Variants in PRELID3A observed in about 807,000 individuals in gnomAD.
The protein encoded by PRELID3A is PRELI domain containing 3A, also known as PRELI domain containing protein 3A.
Under a neutral mutation model 23.0 loss-of-function variants are expected in PRELID3A, and 27 were observed. The ratio of observed to expected loss-of-function variants is 1.17; its 90% CI spans 0.87 to 1.62. PRELID3A has a LOEUF of 1.62. Among genes scored for constraint, PRELID3A ranks in the 40% most tolerant of loss-of-function variants. PRELID3A has a pLI of 0.00. For missense variants in PRELID3A, 231 were observed against 231.4 expected (o/e 1.00, Z 0.01); for synonymous variants, 87 against 86.4 (o/e 1.01, Z -0.04).
At chr18:12,409,972 G>T (rs1407011778) in intron 1 of PRELID3A, among the ~76,000 whole-genome samples, 1 of 152,112 alleles carries the variant, frequency 6.6e-6, no homozygotes, top group Non-Finnish European at 1.5e-5. Flanking sequence ...CTGCAGAGGT[G>T]CCCCATGCTC....
rs975013126 is a variant in PRELID3A, at chr18:12,431,912, A to C, written c.*796A>C. ...GGGCTGGAGGCCATGGATCCCTCAT[A>C]GTATCCAAGGTTTGAGTTCCTGTTT... On this transcript the variant is annotated 3_prime_UTR_variant, in exon 7 of 7. Transcript: ENST00000440960. The C allele has an allele frequency of 6.6e-6, 1 of 152,216 alleles. No homozygotes were observed. 9.4% of individuals were successfully genotyped at this position (152,216 alleles called of 1,614,324 possible). A position where few individuals can be genotyped will look rare whatever the true frequency, so the allele number is the denominator to read the frequency against.
intron 1 of PRELID3A, chr18:12,420,106 G>C: frequency 7.0e-7 from 1 of 1,418,848 alleles, no homozygotes; most frequent in South Asian, 1.5e-5. Flanking sequence ...CCCTGTCTCA[G>C]ACAAACAAAA....
intron 1 of PRELID3A, 72 bp downstream of exon 1, chr18:12,408,079 G>A: frequency 8.3e-7 from 1 of 1,199,430 alleles, no homozygotes; most frequent in Non-Finnish European, 1.0e-6. Context: ...GGCTGGAGCG[G>A]TCCAGGAAAG....
At chr18:12,419,954 T>G (rs2030096659) in intron 1 of PRELID3A, 1 of 239,042 alleles carries the variant, frequency 4.2e-6, no homozygotes. Flanking sequence ...TCAGGTTTGG[T>G]GGCACACGCC....
At chr18:12,426,022 G>A (rs1214001749) in intron 3 of PRELID3A, among the ~76,000 whole-genome samples, 2 of 151,938 alleles carry the variant, frequency 1.3e-5, no homozygotes, top group Admixed American at 1.3e-4. Context: ...AGATCACGAG[G>A]TCAGGAGATT....
intron 5 of PRELID3A, 140 bp downstream of exon 5, chr18:12,427,463 A>G: frequency 1.5e-6 from 1 of 678,442 alleles, no homozygotes; most frequent in Non-Finnish European, 2.5e-6. Flanking sequence ...TTGGGAGGCC[A>G]ACGCAGGTGG....
intron 1 of PRELID3A, among the ~76,000 whole-genome samples, chr18:12,416,321 G>GT (rs1008630587): frequency 6.6e-5 from 10 of 151,718 alleles, no homozygotes; most frequent in Non-Finnish European, 1.3e-4. Flanking sequence ...GTTGTTGTTT[G>GT]TTTTTTTAGA....
chr18:12,426,368 C>G (rs902082372), intron 3 of PRELID3A, among the ~76,000 whole-genome samples: 2 of 150,684 alleles, frequency 1.3e-5, no homozygotes, highest in Admixed American at 6.6e-5. Flanking sequence ...TCCTGGCTAA[C>G]ACGGTGAAAC....
At chr18:12,426,352 A>G (rs576120468) in intron 3 of PRELID3A, among the ~76,000 whole-genome samples, 8 of 151,260 alleles carry the variant, frequency 5.3e-5, no homozygotes, top group South Asian at 4.2e-4. Context: ...CAGGAGATCG[A>G]GACCATCCTG....
chr18:12,420,902 C>T (rs1245686743), intron 2 of PRELID3A, among the ~76,000 whole-genome samples: 1 of 152,024 alleles, frequency 6.6e-6, no homozygotes, highest in Non-Finnish European at 1.5e-5. Flanking sequence ...GGGCCCGGGC[C>T]TGCTGGATTA....
chr18:12,416,071 T>G (rs1298861011), intron 1 of PRELID3A, among the ~76,000 whole-genome samples: 1 of 152,230 alleles, frequency 6.6e-6, no homozygotes, highest in Non-Finnish European at 1.5e-5. Flanking sequence ...ATTCCTCTTC[T>G]GCCTCAACCA....
rs28520027 is a variant in PRELID3A at position 12,415,005 on chromosome 18, T to C, written c.33-5320T>C. Among the ~76,000 whole-genome samples the C allele has an allele frequency of 2.0e-3, 311 of 152,234 alleles. 3 individuals are homozygous for C. Among genetic ancestry groups the C allele is most frequent in the African/African-American group, 7.2e-3 (301 of 41,544 alleles). On this transcript the variant is annotated intron_variant, in intron 1 of 6. Coordinates refer to ENST00000440960, the MANE Select transcript of PRELID3A (RefSeq NM_001142405.2). ...GTGCAGTAGTGCAATCACGACTTAC[T>C]GCAGCCTCAAACTGTTTGGCTTAAG...
intron 5 of PRELID3A, among the ~76,000 whole-genome samples, chr18:12,428,822 T>C (rs1055565784): frequency 1.3e-5 from 2 of 152,212 alleles, no homozygotes; most frequent in Non-Finnish European, 2.9e-5. Context: ...AAGGGAATAT[T>C]CAGTGAGGCC....
chr18:12,422,890 T>C (rs500300), intron 3 of PRELID3A, among the ~76,000 whole-genome samples: 97,717 of 152,052 alleles, frequency 0.64, 31,841 homozygotes, highest in East Asian at 0.85. Flanking sequence ...CCCAGTGCCA[T>C]GGTTGGCTCT....
In PRELID3A at chr18:12,430,067, G is replaced by A. The variant is rs137892425; in HGVS notation, c.*33+631G>A. Reference sequence around the variant, plus strand: ...CAGAGGCTGTGCTGCGCTGCTCTGGGCTGCTCGTCCCCATCTGTCCCCCGT... The same window carrying A: ...CAGAGGCTGTGCTGCGCTGCTCTGGACTGCTCGTCCCCATCTGTCCCCCGT... On this transcript the variant is annotated intron_variant, in intron 6 of 6. Coordinates refer to ENST00000440960, the MANE Select transcript of PRELID3A (RefSeq NM_001142405.2). Among the ~76,000 whole-genome samples, 6 of 152,374 alleles carry A rather than the reference G, an allele frequency of 3.9e-5. No individual in the cohort carries two copies. In the South Asian group the frequency reaches 8.3e-4, roughly 21 times the overall value.
At chr18:12,412,965 T>G (rs1909964855) in intron 1 of PRELID3A, among the ~76,000 whole-genome samples, 1 of 152,232 alleles carries the variant, frequency 6.6e-6, no homozygotes, top group South Asian at 2.1e-4. Context: ...AGGAGATAAC[T>G]TGATTCTCAT....
chr18:12,425,303 G>C (rs948549950), intron 3 of PRELID3A, among the ~76,000 whole-genome samples: 17 of 152,112 alleles, frequency 1.1e-4, no homozygotes, highest in African/African-American at 3.1e-4. Flanking sequence ...TGGCTCTAGA[G>C]CTCGAGTGTT....
At chr18:12,408,454 G>C (rs1909799651) in intron 1 of PRELID3A, among the ~76,000 whole-genome samples, 1 of 152,176 alleles carries the variant, frequency 6.6e-6, no homozygotes, top group African/African-American at 2.4e-5. Flanking sequence ...CCTTCCGCGC[G>C]TTTCACGGAG....
At chr18:12,415,003 A>T (rs190327859) in intron 1 of PRELID3A, among the ~76,000 whole-genome samples, 169 of 152,046 alleles carry the variant, frequency 1.1e-3, no homozygotes, top group African/African-American at 3.7e-3. Context: ...ATCACGACTT[A>T]CTGCAGCCTC....
Sources: gnomAD v4.1 joint callset for allele counts (sites outside exome capture counted in the v4.1 genomes callset) on GRCh38, gnomAD v4.1.1 for gene constraint, MANE v1.5 for transcripts, NCBI Gene and HGNC (gene_info 2026-07-23, HGNC 2026-07-21) for gene names.